SGO1: variants seen among roughly 807,000 people sequenced by gnomAD.
SGO1 encodes serologically defined breast cancer antigen NY-BR-85.
SGO1 carries 39 observed loss-of-function variants against 50.5 expected under a neutral mutation model. The ratio of observed to expected loss-of-function variants is 0.77; its 90% CI spans 0.60 to 1.01. The LOEUF (loss-of-function observed/expected upper bound fraction) is 1.01, where lower values mean the gene tolerates loss of function less well. SGO1 is among the 50% of genes least tolerant of loss of function. The pLI is 0.00. For missense variants in SGO1, 638 were observed against 606.0 expected (o/e 1.05, Z -0.55); for synonymous variants, 191 against 205.1 (o/e 0.93, Z 0.59).
intron 4 of SGO1, among the ~76,000 whole-genome samples, chr3:20,177,848 A>G (rs574548204): frequency 6.6e-6 from 1 of 152,228 alleles, no homozygotes; most frequent in East Asian, 1.9e-4. Flanking sequence ...GATCAGCGAG[A>G]CAATGGGACA....
chr3:20,170,983 T>A, intron 7 of SGO1, 60 bp downstream of exon 7: 1 of 1,511,006 alleles, frequency 6.6e-7, no homozygotes, highest in African/African-American at 1.4e-5. Flanking sequence ...CAAAGCTCCA[T>A]AACCTTATTC....
In SGO1 at chr3:20,171,175, A is replaced by G. The variant is rs748787268; in HGVS notation, c.1340T>C (p.Val447Ala). The G allele has an allele frequency of 1.1e-5, 17 of 1,612,204 alleles. No homozygotes were observed. In the African/African-American group the frequency reaches 2.1e-4, roughly 20 times the overall value. ...PHLSLKDITN[V>A]SLYPVVKIRR... The stretch of plus-strand genomic sequence containing the variant: ...GATTTTCACAACAGGATACAAGGAG[A>G]CATTGGTGATATCCTTCAGGCTAAG... Residue 447 changes from valine (V) to alanine (A), a missense_variant, in exon 7 of 8, where the codon GTC becomes GCC. Coordinates refer to ENST00000412997, the MANE Select transcript of SGO1 (RefSeq NM_001199251.3).
chr3:20,168,512 T>C (rs1158200189), downstream of SGO1, among the ~76,000 whole-genome samples: 1 of 152,070 alleles, frequency 6.6e-6, no homozygotes, highest in Non-Finnish European at 1.5e-5. Flanking sequence ...TGTGCTAGAT[T>C]TGGCCCATAG....
chr3:20,174,576 T>C lies in SGO1; in HGVS notation c.955A>G (p.Thr319Ala), dbSNP rs1701152913. The C allele has an allele frequency of 1.2e-6, 2 of 1,603,668 alleles. No individual in the cohort carries two copies. The highest frequency in any genetic ancestry group is 1.7e-5 in the Admixed American group (1 of 57,788). Residue 319 changes from threonine (T) to alanine (A), a missense_variant, in exon 6 of 8, where the codon ACT becomes GCT. Physicochemically the swap from Thr to Ala is moderately conservative, Grantham distance 58. Transcript: ENST00000412997. ...TTGTGCATTTTTTTTTGGGGAACAG[T>C]TTTTTTATTTTCGCTTTTATTCTCT... ...YKENKSENKK[T>A]VPQKKMHKSV...
intron 6 of SGO1, among the ~76,000 whole-genome samples, chr3:20,173,124 T>G (rs1369738774): frequency 1.5e-5 from 2 of 132,708 alleles, no homozygotes; most frequent in East Asian, 5.2e-4. Flanking sequence ...AACATCATTA[T>G]AGCATTTTTG....
At chr3:20,178,400 G>T in intron 3 of SGO1, 53 bp from the exon 4 acceptor site, 1 of 1,291,566 alleles carries the variant, frequency 7.7e-7, no homozygotes, top group East Asian at 2.3e-5. Flanking sequence ...TCACAAGAAA[G>T]CATTAATTTA....
rs769011757 is a variant in SGO1, at chr3:20,174,551, T to C, written c.980A>G (p.Lys327Arg). The C allele has an allele frequency of 1.1e-5, 18 of 1,608,546 alleles. No homozygotes were observed. Among genetic ancestry groups the C allele is most frequent in the Admixed American group, 1.7e-5 (1 of 58,916 alleles). The change falls in exon 6 of 8, where the codon AAA becomes AGA. Residue 327 changes from lysine to arginine, a missense_variant. By Grantham distance (26) the Lys-to-Arg change is conservative (BLOSUM62 2). Coordinates refer to ENST00000412997, the MANE Select transcript of SGO1 (RefSeq NM_001199251.3). ...GTAAGCATCATTGGAACTGACAGAT[T>C]TGTGCATTTTTTTTTGGGGAACAGT... The part of the protein sequence containing the change: ...KKTVPQKKMH[K>R]SVSSNDAYNF...
chr3:20,178,243 TA>T, intron 4 of SGO1, 27 bp downstream of exon 4: 2 of 1,473,560 alleles, frequency 1.4e-6, no homozygotes, highest in Non-Finnish European at 1.9e-6. Flanking sequence ...TTAGTATTAA[TA>T]ATCATGATAA....
chr3:20,181,701 C>G (rs1368498122), intron 3 of SGO1, among the ~76,000 whole-genome samples: 1 of 152,104 alleles, frequency 6.6e-6, no homozygotes, highest in Non-Finnish European at 1.5e-5. Flanking sequence ...GATTCAAATG[C>G]CTTTAGAGGA....
intron 3 of SGO1, among the ~76,000 whole-genome samples, chr3:20,178,582 C>T (rs557757835): frequency 1.3e-5 from 2 of 152,132 alleles, no homozygotes; most frequent in South Asian, 2.1e-4. Context: ...TTTCAGATTG[C>T]GATAAATGTC....
chr3:20,161,340 T>C (rs1409595709), intron 8 of SGO1: 15 of 1,380,678 alleles, frequency 1.1e-5, no homozygotes, highest in South Asian at 3.4e-5. Context: ...AATAAAAAAT[T>C]AGAAAATATG....
chr3:20,172,939 C>T (rs1448660160), intron 6 of SGO1, among the ~76,000 whole-genome samples: 1 of 151,916 alleles, frequency 6.6e-6, no homozygotes, highest in South Asian at 2.1e-4. Flanking sequence ...GCCCTCCAGC[C>T]GAGGTGATAG....
At chr3:20,177,400 T>A (rs192064427) in intron 4 of SGO1, 73 of 152,334 alleles carry the variant, frequency 4.8e-4, no homozygotes, top group African/African-American at 1.7e-3. Context: ...ATAGAAATCA[T>A]CTTAGTGGTT....
intron 3 of SGO1, among the ~76,000 whole-genome samples, chr3:20,179,351 T>C (rs1157292047): frequency 2.0e-5 from 3 of 152,144 alleles, no homozygotes; most frequent in African/African-American, 2.4e-5. Context: ...TTTTGTACTA[T>C]TAACTGGGGA....
At chr3:20,161,057 G>A (rs1392318265) in exon 9 of SGO1, 2 of 1,611,348 alleles carry the variant, frequency 1.2e-6, no homozygotes, top group East Asian at 2.2e-5. Context: ...ATACATTAGT[G>A]AATGCATGGA....
At position 20,171,154 on chromosome 3, in the gene SGO1, T is replaced by G; in HGVS notation, c.1361A>C (p.Lys454Thr). 1 of 1,613,338 alleles carries G rather than the reference T, an allele frequency of 6.2e-7. No individual in the cohort carries two copies. The highest frequency in any genetic ancestry group is 8.5e-7 in the Non-Finnish European group (1 of 1,179,754). ...ITNVSLYPVVKIRRLSLSPKK... is the reference protein window; with the variant it reads ...ITNVSLYPVVTIRRLSLSPKK... Reference sequence around the variant, plus strand: ...TGGAGAAAGAGAAAGTCTTCTGATTTTCACAACAGGATACAAGGAGACATT... The same window carrying G: ...TGGAGAAAGAGAAAGTCTTCTGATTGTCACAACAGGATACAAGGAGACATT... The change falls in exon 7 of 8, where the codon AAA (lysine) becomes ACA (threonine). Residue 454 changes from lysine to threonine, a missense_variant. Coordinates refer to ENST00000412997, the MANE Select transcript of SGO1 (RefSeq NM_001199251.3).
In SGO1 at chr3:20,173,415, CAGGCGTG is replaced by C. The variant is rs549406517; in HGVS notation, c.1282+827_1282+833del. On this transcript the variant is annotated intron_variant, in intron 6 of 7. Transcript: ENST00000412997. ...TCAGCCTCCCAAAGTGCTGGGATTA[CAGGCGTG>C]AGCCAACCCGCCCGGCTTACAGCAT... 3.3e-5 allele frequency among the ~76,000 whole-genome samples: 5 copies of C among 152,284 alleles called. No homozygotes were observed. The South Asian group carries it at 1.0e-3, about 32-fold the overall frequency.
chr3:20,182,237 AAAT>A (rs1702098413), intron 3 of SGO1, among the ~76,000 whole-genome samples: 1 of 152,156 alleles, frequency 6.6e-6, no homozygotes, highest in African/African-American at 2.4e-5. Context: ...GGAGAAAAAA[AAAT>A]AAGGAATCAA....
chr3:20,180,768 C>T (rs1000268022), intron 3 of SGO1, among the ~76,000 whole-genome samples: 1 of 152,160 alleles, frequency 6.6e-6, no homozygotes, highest in African/African-American at 2.4e-5. Context: ...TGAACATATG[C>T]TGACATTATA....
Sources: gnomAD v4.1 joint callset for allele counts (sites outside exome capture counted in the v4.1 genomes callset) on GRCh38, gnomAD v4.1.1 for gene constraint, MANE v1.5 for transcripts, NCBI Gene and HGNC (gene_info 2026-07-23, HGNC 2026-07-21) for gene names.